Variants in SMURF1 observed in about 807,000 individuals in gnomAD.
SMURF1 encodes SMAD specific E3 ubiquitin protein ligase 1.
In SMURF1, 44 loss-of-function variants were observed where a neutral mutation model predicts 98.0. That is an observed-to-expected ratio of 0.45 (90% confidence interval 0.35 to 0.58). The LOEUF is 0.58. SMURF1 is among the 20% of genes least tolerant of loss of function. The pLI is 0.00. For missense variants in SMURF1, 687 were observed against 938.4 expected (o/e 0.73, Z 3.50); for synonymous variants, 396 against 374.9 (o/e 1.06, Z -0.65).
chr7:99,060,538 T>A, intron 3 of SMURF1, 61 bp downstream of exon 3: 1 of 1,181,374 alleles, frequency 8.5e-7, no homozygotes, highest in Non-Finnish European at 1.2e-6. Flanking sequence ...ATGTTTCTCG[T>A]AAAAGGTAGA....
In SMURF1 at chr7:99,047,672, T is replaced by C; in HGVS notation, c.1152+12A>G. The C allele has an allele frequency of 6.2e-7, 1 of 1,614,012 alleles. No individual in the cohort carries two copies. The highest frequency in any genetic ancestry group is 8.5e-7 in the Non-Finnish European group (1 of 1,179,826). ...CTGAACAGGGTCTGGGCAGTGGCCCTGAACTCTCTACCTCAAAGATTTCTT... is the reference window on the plus strand; with the variant it reads ...CTGAACAGGGTCTGGGCAGTGGCCCCGAACTCTCTACCTCAAAGATTTCTT... On this transcript the variant is annotated intron_variant, in intron 10 of 17. Transcript: ENST00000361368.
intron 1 of SMURF1, among the ~76,000 whole-genome samples, chr7:99,079,504 T>G (rs902027276): frequency 2.0e-5 from 3 of 152,076 alleles, no homozygotes; most frequent in African/African-American, 7.2e-5. Context: ...AGAAAGAAAC[T>G]CAATAAAAGT....
At chr7:99,046,228 C>G (rs1795569342) in intron 10 of SMURF1, among the ~76,000 whole-genome samples, 1 of 152,072 alleles carries the variant, frequency 6.6e-6, no homozygotes, top group South Asian at 2.1e-4. Context: ...AGTGAAAAAT[C>G]ACATTTGATT....
rs549427603 is a variant in SMURF1, at chr7:99,052,547, A to C, written c.480-101T>G. On this transcript the variant is annotated intron_variant, in intron 6 of 17. Coordinates refer to ENST00000361368, the MANE Select transcript of SMURF1 (RefSeq NM_181349.3). ...CTAGGGGACACCGTCACATAAATTG[A>C]TTTGCTTTCCTTTAACAACGTCCAG... 2.1e-4 allele frequency: 261 copies of C among 1,263,514 alleles called. 2 individuals are homozygous for C. Among genetic ancestry groups the C allele is most frequent in the Middle Eastern group, 1.4e-3 (5 of 3,454 alleles). 78.3% of individuals were successfully genotyped at this position (1,263,514 alleles called of 1,614,324 possible).
At chr7:99,030,963 G>T (rs548381642) in intron 17 of SMURF1, 1 of 313,432 alleles carries the variant, frequency 3.2e-6, no homozygotes, top group East Asian at 6.6e-5. Flanking sequence ...CCCTCTCAAC[G>T]TGCTGGGAGC....
chr7:99,067,684 G>C (rs570518613), intron 1 of SMURF1, among the ~76,000 whole-genome samples: 1 of 152,198 alleles, frequency 6.6e-6, no homozygotes, highest in Non-Finnish European at 1.5e-5. Flanking sequence ...GGGCGCAGTG[G>C]CTCACGCCTG....
At position 99,035,672 on chromosome 7, in the gene SMURF1, C is replaced by T; in HGVS notation, c.1854G>A (p.Lys618=). ...GLDKIDLNDW[K]SNTRLKHCVA... ...CACAGTGCTTCAGCCGCGTGTTCGA[C>T]TTCCAGTCGTTCAAGTCTATTTTAT... Residue 618 remains lysine, a synonymous_variant, in exon 16 of 18, where the codon AAG becomes AAA. Transcript: ENST00000361368. 6.2e-7 allele frequency: 1 copy of T among 1,614,232 alleles called. No individual in the cohort carries two copies. The highest frequency in any genetic ancestry group is 8.5e-7 in the Non-Finnish European group (1 of 1,180,028).
At position 99,047,801 on chromosome 7, in the gene SMURF1, G is replaced by A. The variant is rs1795630917; in HGVS notation, c.1035C>T (p.Ala345=). The A allele has an allele frequency of 6.2e-7, 1 of 1,614,012 alleles. No individual in the cohort carries two copies. Among genetic ancestry groups the A allele is most frequent in the Admixed American group, 1.7e-5 (1 of 60,004 alleles). Residue 345 remains alanine (A), a synonymous_variant, in exon 10 of 18, where the codon GCC becomes GCT. Transcript: ENST00000361368. ...GGACTAGATCTCTTTCGTATCTCTG[G>A]GCAGGAAGCTCCTCGTCCTCCAGAG... ...EGSLEDEELP[A]QRYERDLVQK... is the part of the protein sequence containing the mutation.
intron 1 of SMURF1, among the ~76,000 whole-genome samples, chr7:99,096,704 T>C (rs1796962921): frequency 6.6e-6 from 1 of 152,102 alleles, no homozygotes; most frequent in South Asian, 2.1e-4. Context: ...AATCTAAAAT[T>C]ACAGCTGGAG....
intron 6 of SMURF1, among the ~76,000 whole-genome samples, chr7:99,053,041 A>G (rs548937314): frequency 6.6e-6 from 1 of 152,320 alleles, no homozygotes; most frequent in East Asian, 1.9e-4. Context: ...TGGGTGACAG[A>G]GCGAGACTCC....
intron 1 of SMURF1, among the ~76,000 whole-genome samples, chr7:99,066,625 A>G (rs1796198571): frequency 6.6e-6 from 1 of 151,914 alleles, no homozygotes. Flanking sequence ...AAAAAATACA[A>G]AAATTAGCCA....
chr7:99,030,892 G>A (rs1417495902), intron 17 of SMURF1: 2 of 452,072 alleles, frequency 4.4e-6, no homozygotes, highest in South Asian at 5.3e-5. Flanking sequence ...TAGAGACAGG[G>A]TCTCGCTAGG....
intron 1 of SMURF1, among the ~76,000 whole-genome samples, chr7:99,093,035 C>T (rs1284469091): frequency 6.6e-6 from 1 of 152,286 alleles, no homozygotes; most frequent in Non-Finnish European, 1.5e-5. Context: ...CACAGACTAA[C>T]ACCAGTGGTC....
intron 1 of SMURF1, among the ~76,000 whole-genome samples, chr7:99,140,622 C>A (rs1798097695): frequency 6.6e-6 from 1 of 151,464 alleles, no homozygotes; most frequent in Non-Finnish European, 1.5e-5. Context: ...GGGGTTTCAC[C>A]GTGTTAGCCA....
At chr7:99,106,773 T>C (rs1681303708) in intron 1 of SMURF1, among the ~76,000 whole-genome samples, 1 of 152,172 alleles carries the variant, frequency 6.6e-6, no homozygotes, top group South Asian at 2.1e-4. Context: ...AGAATTCCAG[T>C]GCCTTCTCCG....
In SMURF1 at chr7:99,028,604, G is replaced by A. The variant is rs1794778671; in HGVS notation, c.*1980C>T. On this transcript the variant is annotated 3_prime_UTR_variant, in exon 18 of 18. Transcript: ENST00000361368. ...CCCGACTCCTCCCAACAGCAAAAAGGTAGTTTTAAAGGCGTCAAATGCAAC... is the reference window on the plus strand; with the variant it reads ...CCCGACTCCTCCCAACAGCAAAAAGATAGTTTTAAAGGCGTCAAATGCAAC... The A allele has an allele frequency of 6.6e-6, 1 of 152,220 alleles. No individual in the cohort carries two copies. Among genetic ancestry groups the A allele is most frequent in the African/African-American group, 2.4e-5 (1 of 41,444 alleles). The allele number at this position is 152,220 out of a possible 1,614,324, so 9.4% of individuals were successfully genotyped here. A position where few individuals can be genotyped will look rare whatever the true frequency, so the allele number is the denominator to read the frequency against.
chr7:99,134,655 T>G (rs1797947391), intron 1 of SMURF1, among the ~76,000 whole-genome samples: 1 of 152,204 alleles, frequency 6.6e-6, no homozygotes, highest in African/African-American at 2.4e-5. Context: ...GCAAACACAT[T>G]GACTATAAAT....
chr7:99,049,504 C>T (rs938369995), intron 9 of SMURF1, 59 bp downstream of exon 9: 154 of 1,546,568 alleles, frequency 1.0e-4, no homozygotes, highest in Admixed American at 1.9e-4. Flanking sequence ...AATACCAGTC[C>T]AAGAAAGCAT....
intron 1 of SMURF1, among the ~76,000 whole-genome samples, chr7:99,139,472 G>A (rs1229309168): frequency 6.6e-6 from 1 of 152,182 alleles, no homozygotes. Flanking sequence ...CTAATTGGTT[G>A]ACATTACAAT....
Sources: allele counts gnomAD v4.1 joint callset (sites outside exome capture counted in the v4.1 genomes callset), GRCh38; gene constraint gnomAD v4.1.1; transcripts MANE v1.5; gene names NCBI Gene and HGNC (gene_info 2026-07-23, HGNC 2026-07-21).